The following SLC10A7 variants were observed in gnomAD, a reference collection of about 807,000 sequenced individuals.
The protein encoded by SLC10A7 is sodium/bile acid cotransporter 7.
A neutral mutation model predicts 43.2 loss-of-function variants in SLC10A7; 29 were observed. That is an observed-to-expected ratio of 0.67 (90% CI 0.50 to 0.92). The LOEUF (loss-of-function observed/expected upper bound fraction) is 0.92. SLC10A7 is among the 40% of genes least tolerant of loss of function. SLC10A7 has a pLI of 0.00. For synonymous variants in SLC10A7, 152 were observed against 144.8 expected (o/e 1.05, Z -0.35); for missense variants, 295 against 403.2 (o/e 0.73, Z 2.30).
chr4:146,305,480 C>G (rs1392240494), intron 7 of SLC10A7, among the ~76,000 whole-genome samples: 1 of 149,652 alleles, frequency 6.7e-6, no homozygotes, highest in Non-Finnish European at 1.5e-5. Flanking sequence ...TGCTAGATGA[C>G]AAGTTAGTGG....
chr4:146,459,772 G>T (rs1258067331), intron 4 of SLC10A7, among the ~76,000 whole-genome samples: 2 of 151,734 alleles, frequency 1.3e-5, no homozygotes, highest in African/African-American at 4.8e-5. Context: ...ACATATCTAC[G>T]TTAGGCTACA....
chr4:146,360,357 C>A (rs886428797), intron 5 of SLC10A7, among the ~76,000 whole-genome samples: 2 of 152,124 alleles, frequency 1.3e-5, no homozygotes, highest in East Asian at 1.9e-4. Flanking sequence ...TTACTCTGTG[C>A]TTGATTCTTT....
At chr4:146,441,670 G>T in intron 5 of SLC10A7, 1 of 983,440 alleles carries the variant, frequency 1.0e-6, no homozygotes, top group Non-Finnish European at 1.2e-6. Context: ...GATTATTTTT[G>T]TTAAACAGAC....
chr4:146,369,745 A>G (rs1247599934), intron 5 of SLC10A7, among the ~76,000 whole-genome samples: 1 of 152,224 alleles, frequency 6.6e-6, no homozygotes, highest in Non-Finnish European at 1.5e-5. Flanking sequence ...CAATATTAAC[A>G]TATCTCATAG....
intron 3 of SLC10A7, among the ~76,000 whole-genome samples, chr4:146,508,447 C>A (rs2150041186): frequency 6.6e-6 from 1 of 152,288 alleles, no homozygotes. Context: ...GCATTTTACA[C>A]TTTTTGGTGA....
At chr4:146,322,168 C>A (rs185259185) in intron 6 of SLC10A7, among the ~76,000 whole-genome samples, 5 of 152,152 alleles carry the variant, frequency 3.3e-5, no homozygotes, top group Admixed American at 3.3e-4. Flanking sequence ...TTTTTATCAG[C>A]ATGTTACCGC....
intron 10 of SLC10A7, among the ~76,000 whole-genome samples, chr4:146,259,060 TTC>T (rs1196867381): frequency 2.6e-5 from 4 of 152,186 alleles, no homozygotes; most frequent in African/African-American, 4.8e-5. Flanking sequence ...ATGGTCAGTA[TTC>T]GAGGGTACCA....
chr4:146,283,359 C>A, intron 9 of SLC10A7, 94 bp from the exon 10 acceptor site: 1 of 904,736 alleles, frequency 1.1e-6, no homozygotes, highest in Non-Finnish European at 1.8e-6. Context: ...ATGTTAACAT[C>A]CCTTTGATCA....
chr4:146,310,692 T>C (rs1731914885), intron 6 of SLC10A7, among the ~76,000 whole-genome samples: 1 of 151,980 alleles, frequency 6.6e-6, no homozygotes, highest in Non-Finnish European at 1.5e-5. Context: ...AGCAACCCCT[T>C]GATGTTGGTT....
intron 2 of SLC10A7, among the ~76,000 whole-genome samples, chr4:146,512,682 G>C (rs1027295510): frequency 2.0e-5 from 3 of 152,092 alleles, no homozygotes; most frequent in African/African-American, 4.8e-5. Context: ...TGAGCACCTG[G>C]CACCATTCTA....
At chr4:146,466,468 C>T (rs1463447013) in intron 4 of SLC10A7, among the ~76,000 whole-genome samples, 1 of 152,156 alleles carries the variant, frequency 6.6e-6, no homozygotes, top group African/African-American at 2.4e-5. Context: ...CTTAACCAAA[C>T]TGAATTTCAT....
At chr4:146,281,646 A>G (rs565331156) in intron 10 of SLC10A7, among the ~76,000 whole-genome samples, 1 of 152,278 alleles carries the variant, frequency 6.6e-6, no homozygotes, top group Non-Finnish European at 1.5e-5. Context: ...ACCAGGCAGT[A>G]CATGACAATA....
At chr4:146,423,856 C>T (rs1729128498) in intron 5 of SLC10A7, among the ~76,000 whole-genome samples, 1 of 151,986 alleles carries the variant, frequency 6.6e-6, no homozygotes, top group Non-Finnish European at 1.5e-5. Flanking sequence ...GAATGGAAAA[C>T]ATTAGGCATC....
chr4:146,276,717 A>G lies in SLC10A7; in HGVS notation c.847+6475T>C, dbSNP rs191971641. Among the ~76,000 whole-genome samples the G allele has an allele frequency of 5.3e-3, 807 of 152,254 alleles. 3 individuals are homozygous for G. Among genetic ancestry groups the G allele is most frequent in the Non-Finnish European group, 8.9e-3 (605 of 68,016 alleles). ...GTAATCCCAGTGCTTTGAGAGGCTGAGGTGGGAGGATTGCTTGAGGCCAGG... is the reference window on the plus strand; with the variant it reads ...GTAATCCCAGTGCTTTGAGAGGCTGGGGTGGGAGGATTGCTTGAGGCCAGG... On this transcript the variant is annotated intron_variant, in intron 10 of 11. Transcript: ENST00000335472.
At chr4:146,456,368 G>T (rs1165952078) in intron 4 of SLC10A7, among the ~76,000 whole-genome samples, 1 of 151,798 alleles carries the variant, frequency 6.6e-6, no homozygotes, top group East Asian at 1.9e-4. Context: ...TACAATTCTG[G>T]TGTTAACCAC....
intron 10 of SLC10A7, among the ~76,000 whole-genome samples, chr4:146,278,306 T>C (rs1247699637): frequency 6.6e-6 from 1 of 152,144 alleles, no homozygotes; most frequent in African/African-American, 2.4e-5. Context: ...TGTAGAGTAG[T>C]TTTATTAAGA....
intron 5 of SLC10A7, among the ~76,000 whole-genome samples, chr4:146,413,481 T>A (rs2149835817): frequency 6.6e-6 from 1 of 152,246 alleles, no homozygotes; most frequent in African/African-American, 2.4e-5. Context: ...TTTTGTTGTC[T>A]CCTTTCCTGC....
chr4:146,370,061 C>A (rs1736661789), intron 5 of SLC10A7, among the ~76,000 whole-genome samples: 1 of 151,886 alleles, frequency 6.6e-6, no homozygotes, highest in Non-Finnish European at 1.5e-5. Context: ...AAAAAAAAAT[C>A]AATTAAAATA....
intron 4 of SLC10A7, among the ~76,000 whole-genome samples, chr4:146,468,733 A>C (rs1361966584): frequency 6.6e-6 from 1 of 152,090 alleles, no homozygotes; most frequent in Non-Finnish European, 1.5e-5. Flanking sequence ...AAATGCAGGG[A>C]TTACAGGCGT....
Sources: gnomAD v4.1 joint callset for allele counts (sites outside exome capture counted in the v4.1 genomes callset) on GRCh38, gnomAD v4.1.1 for gene constraint, MANE v1.5 for transcripts, NCBI Gene and HGNC (gene_info 2026-07-23, HGNC 2026-07-21) for gene names.